Variants in C17orf67 observed in about 807,000 individuals in gnomAD.
The protein encoded by C17orf67 is chromosome 17 open reading frame 67.
Under a neutral mutation model 11.2 loss-of-function variants are expected in C17orf67, and 12 were observed. The ratio of observed to expected loss-of-function variants is 1.07; its 90% CI spans 0.68 to 1.73. C17orf67 has a LOEUF of 1.73. Ranked by LOEUF, C17orf67 falls within the 40% of genes most tolerant of loss-of-function variation. The pLI, the probability that C17orf67 is intolerant of heterozygous loss-of-function variation, is 0.00. For synonymous variants in C17orf67, 59 were observed against 46.9 expected (o/e 1.26, Z -1.05); for missense variants, 115 against 113.5 (o/e 1.01, Z -0.06).
chr17:56,822,151 T>C (rs574109235), intron 4 of C17orf67, among the ~76,000 whole-genome samples: 35 of 152,356 alleles, frequency 2.3e-4, no homozygotes, highest in African/African-American at 8.2e-4. Flanking sequence ...ATGACAGTTA[T>C]TTTAAGCCAC....
chr17:56,806,593 T>C (rs1416712309), intron 6 of C17orf67, among the ~76,000 whole-genome samples: 1 of 152,152 alleles, frequency 6.6e-6, no homozygotes, highest in Non-Finnish European at 1.5e-5. Flanking sequence ...GCAGCAATCA[T>C]AGCTCACTTC....
intron 6 of C17orf67, among the ~76,000 whole-genome samples, chr17:56,805,594 T>C (rs1401014425): frequency 1.3e-5 from 2 of 152,246 alleles, no homozygotes; most frequent in African/African-American, 4.8e-5. Flanking sequence ...TTGTTTAAAG[T>C]CTTTTGGAAA....
At chr17:56,805,971 C>CTTT (rs10684052) in intron 6 of C17orf67, among the ~76,000 whole-genome samples, 3,814 of 97,934 alleles carry the variant, frequency 0.039, 95 homozygotes, top group East Asian at 0.072. Flanking sequence ...GTTGATTTTC[C>CTTT]TTTTTTTTTT....
chr17:56,802,018 T>C (rs1047034686), intron 6 of C17orf67, among the ~76,000 whole-genome samples: 90 of 152,320 alleles, frequency 5.9e-4, no homozygotes, highest in Middle Eastern at 3.4e-3. Flanking sequence ...ATCTGCAAGA[T>C]GGGGATTGCA....
intron 6 of C17orf67, among the ~76,000 whole-genome samples, chr17:56,808,415 C>T (rs1313018721): frequency 6.6e-6 from 1 of 152,160 alleles, no homozygotes; most frequent in Non-Finnish European, 1.5e-5. Context: ...CCACCTTTCT[C>T]TTCATACGCT....
At chr17:56,797,383 A>G (rs535515327) in intron 6 of C17orf67, among the ~76,000 whole-genome samples, 1 of 152,124 alleles carries the variant, frequency 6.6e-6, no homozygotes, top group South Asian at 2.1e-4. Flanking sequence ...TTGCAAGGCA[A>G]GGAGGGAACA....
intron 6 of C17orf67, among the ~76,000 whole-genome samples, chr17:56,805,223 T>C (rs930625060): frequency 2.0e-5 from 3 of 152,184 alleles, no homozygotes; most frequent in South Asian, 2.1e-4. Flanking sequence ...AACGACATCA[T>C]TTAAGGTGAG....
At chr17:56,797,738 A>T (rs1330581320) in intron 6 of C17orf67, among the ~76,000 whole-genome samples, 1 of 152,102 alleles carries the variant, frequency 6.6e-6, no homozygotes, top group Non-Finnish European at 1.5e-5. Context: ...CTCCTCTCTC[A>T]GTTGGCTCGT....
chr17:56,817,508 G>A (rs1288598906), intron 4 of C17orf67, among the ~76,000 whole-genome samples: 2 of 152,052 alleles, frequency 1.3e-5, no homozygotes, highest in Admixed American at 6.6e-5. Context: ...CCAGGCAGAA[G>A]TGCAGTGGTG....
chr17:56,804,905 G>A (rs769597432), intron 6 of C17orf67, among the ~76,000 whole-genome samples: 5 of 152,068 alleles, frequency 3.3e-5, no homozygotes, highest in Non-Finnish European at 5.9e-5. Flanking sequence ...TAAGTGAGGC[G>A]ATAGAAAATA....
chr17:56,822,485 TA>T (rs918213015), intron 4 of C17orf67, among the ~76,000 whole-genome samples: 13 of 151,218 alleles, frequency 8.6e-5, no homozygotes, highest in African/African-American at 1.9e-4. Flanking sequence ...TTCTCACTTA[TA>T]AAAAAAAAGA....
chr17:56,808,280 G>A (rs964253677), intron 6 of C17orf67, among the ~76,000 whole-genome samples: 3 of 152,080 alleles, frequency 2.0e-5, no homozygotes, highest in Admixed American at 6.6e-5. Context: ...GGTAGCAGTG[G>A]GTAATAACAG....
At chr17:56,805,719 T>C (rs1222047595) in intron 6 of C17orf67, among the ~76,000 whole-genome samples, 1 of 152,186 alleles carries the variant, frequency 6.6e-6, no homozygotes, top group Admixed American at 6.5e-5. Flanking sequence ...AAGTACTTTA[T>C]GCACAAAAAT....
intron 6 of C17orf67, among the ~76,000 whole-genome samples, chr17:56,801,717 C>A (rs1001383293): frequency 9.9e-5 from 15 of 152,126 alleles, no homozygotes; most frequent in Non-Finnish European, 2.2e-4. Context: ...AACATGTTTG[C>A]GGATTTGGGG....
chr17:56,801,908 C>G (rs1905331834), intron 6 of C17orf67, among the ~76,000 whole-genome samples: 1 of 152,174 alleles, frequency 6.6e-6, no homozygotes, highest in Non-Finnish European at 1.5e-5. Flanking sequence ...TTCTTGCTGG[C>G]CTGTTTGCCA....
chr17:56,811,795 A>T (rs1905635238), intron 6 of C17orf67, among the ~76,000 whole-genome samples: 1 of 152,174 alleles, frequency 6.6e-6, no homozygotes, highest in Non-Finnish European at 1.5e-5. Flanking sequence ...CTTTTTGTCT[A>T]AACAACTAAG....
At chr17:56,823,795 C>T (rs1157282557) in intron 4 of C17orf67, among the ~76,000 whole-genome samples, 2 of 152,132 alleles carry the variant, frequency 1.3e-5, no homozygotes, top group Non-Finnish European at 2.9e-5. Flanking sequence ...GCTGGCAAAA[C>T]TTGGAAGCAA....
chr17:56,810,914 C>G (rs989517281), intron 6 of C17orf67, among the ~76,000 whole-genome samples: 5 of 152,232 alleles, frequency 3.3e-5, no homozygotes, highest in Non-Finnish European at 7.3e-5. Flanking sequence ...ATTTTGCTTT[C>G]AGTAAATCCA....
intron 4 of C17orf67, among the ~76,000 whole-genome samples, chr17:56,822,166 A>T (rs928384151): frequency 2.0e-5 from 3 of 152,176 alleles, no homozygotes; most frequent in Admixed American, 6.5e-5. Context: ...AGCCACTAAG[A>T]CTAGGAGTGG....
Sources: gnomAD v4.1 joint callset for allele counts (sites outside exome capture counted in the v4.1 genomes callset) on GRCh38, gnomAD v4.1.1 for gene constraint, MANE v1.5 for transcripts, NCBI Gene and HGNC (gene_info 2026-07-23, HGNC 2026-07-21) for gene names.